ME1: variants seen among roughly 807,000 people sequenced by gnomAD.
The protein encoded by ME1 is malic enzyme 1.
In ME1, 74 loss-of-function variants were observed where a neutral mutation model predicts 66.4. That is an observed-to-expected ratio of 1.11 (90% CI 0.92 to 1.35). ME1 has a LOEUF of 1.35. Among genes scored for constraint, ME1 ranks in the 40% most tolerant of loss-of-function variants. The pLI is 0.00. For synonymous variants in ME1, 251 were observed against 235.6 expected, an observed-to-expected ratio of 1.07 and a Z score of -0.60; for missense variants, 750 against 694.1, an observed-to-expected ratio of 1.08 and a Z score of -0.90.
At chr6:83,408,456 G>A (rs1329852341) in intron 1 of ME1, among the ~76,000 whole-genome samples, 1 of 152,030 alleles carries the variant, frequency 6.6e-6, no homozygotes, top group East Asian at 1.9e-4. Flanking sequence ...ATTCTTCCAT[G>A]GCACATGGTC....
chr6:83,300,860 T>C (rs928790930), intron 6 of ME1, among the ~76,000 whole-genome samples: 2 of 152,182 alleles, frequency 1.3e-5, no homozygotes, highest in Non-Finnish European at 2.9e-5. Context: ...TGGAATACTA[T>C]GCAGTGATAA....
intron 12 of ME1, among the ~76,000 whole-genome samples, chr6:83,218,142 A>G (rs1183516617): frequency 6.6e-6 from 1 of 152,184 alleles, no homozygotes; most frequent in African/African-American, 2.4e-5. Flanking sequence ...CAGGACAAAG[A>G]TACGTTAACT....
intron 5 of ME1, among the ~76,000 whole-genome samples, chr6:83,345,317 G>A (rs142153027): frequency 1.2e-3 from 189 of 152,328 alleles, no homozygotes; most frequent in African/African-American, 4.3e-3. Flanking sequence ...TTTGATAAAG[G>A]TTAAGTGAGC....
At chr6:83,224,579 G>A (rs1360991698) in intron 11 of ME1, among the ~76,000 whole-genome samples, 10 of 151,012 alleles carry the variant, frequency 6.6e-5, no homozygotes, top group Non-Finnish European at 1.5e-4. Flanking sequence ...AGCTACTTGA[G>A]AGGCTGAGGC....
intron 2 of ME1, among the ~76,000 whole-genome samples, chr6:83,401,058 C>A (rs1195580950): frequency 6.6e-6 from 1 of 152,226 alleles, no homozygotes; most frequent in Admixed American, 6.5e-5. Flanking sequence ...CCTCAGCATT[C>A]TCAGCTCCTC....
chr6:83,305,770 C>T (rs906229216), intron 6 of ME1, among the ~76,000 whole-genome samples: 5 of 152,108 alleles, frequency 3.3e-5, no homozygotes, highest in Non-Finnish European at 5.9e-5. Context: ...GTTTCAATTT[C>T]CTACAGAACC....
intron 5 of ME1, among the ~76,000 whole-genome samples, chr6:83,325,954 A>C (rs1768281737): frequency 6.6e-6 from 1 of 151,288 alleles, no homozygotes; most frequent in African/African-American, 2.4e-5. Context: ...CAAACAAAAA[A>C]AAAAAAAAAC....
intron 3 of ME1, among the ~76,000 whole-genome samples, chr6:83,396,993 T>C (rs922638397): frequency 1.3e-5 from 2 of 151,936 alleles, no homozygotes; most frequent in African/African-American, 4.8e-5. Context: ...ATCAACTCAA[T>C]AGGTAAAGAA....
At chr6:83,365,259 A>AT (rs1389315379) in intron 3 of ME1, among the ~76,000 whole-genome samples, 1 of 152,050 alleles carries the variant, frequency 6.6e-6, no homozygotes, top group African/African-American at 2.4e-5. Flanking sequence ...CGCCCAGCTA[A>AT]TTTTTTGTAT....
chr6:83,353,132 A>G (rs1318807394), intron 3 of ME1, among the ~76,000 whole-genome samples: 2 of 152,230 alleles, frequency 1.3e-5, no homozygotes, highest in Non-Finnish European at 2.9e-5. Flanking sequence ...TCCCTATGAT[A>G]TAGGTTAACA....
intron 6 of ME1, among the ~76,000 whole-genome samples, chr6:83,290,462 T>C (rs1029822301): frequency 1.3e-5 from 2 of 152,214 alleles, no homozygotes; most frequent in Non-Finnish European, 2.9e-5. Context: ...TAACCCTGAG[T>C]TCTAATTTGA....
intron 6 of ME1, among the ~76,000 whole-genome samples, chr6:83,312,038 C>T (rs1249293690): frequency 6.6e-6 from 1 of 152,120 alleles, no homozygotes; most frequent in Non-Finnish European, 1.5e-5. Flanking sequence ...AGACCCAGAA[C>T]CCATAAACTG....
At chr6:83,254,820 T>C (rs568752435) in intron 6 of ME1, among the ~76,000 whole-genome samples, 1 of 152,256 alleles carries the variant, frequency 6.6e-6, no homozygotes, top group East Asian at 1.9e-4. Flanking sequence ...GACTACCTGA[T>C]TTTAAGACCA....
At chr6:83,297,689 C>T (rs1767624555) in intron 6 of ME1, among the ~76,000 whole-genome samples, 1 of 152,150 alleles carries the variant, frequency 6.6e-6, no homozygotes, top group Non-Finnish European at 1.5e-5. Flanking sequence ...ATCAACCCAT[C>T]ACCTAAGTAT....
intron 6 of ME1, among the ~76,000 whole-genome samples, chr6:83,298,931 G>GTTTTTTTTTTTGTTTTTTTTTTTT (rs1767655657): frequency 4.5e-5 from 1 of 22,458 alleles, no homozygotes; most frequent in African/African-American, 1.9e-4. Context: ...CTATGTGTCT[G>GTTTTTTTTTTTGTTTTTTTTTTTT]TTTTTTTTTT....
intron 6 of ME1, among the ~76,000 whole-genome samples, chr6:83,312,706 T>C (rs1379346778): frequency 6.6e-6 from 1 of 152,134 alleles, no homozygotes; most frequent in African/African-American, 2.4e-5. Context: ...GTATAACCTC[T>C]GTACTATGTC....
At chr6:83,410,651 A>G (rs1770032689) in intron 1 of ME1, among the ~76,000 whole-genome samples, 1 of 152,218 alleles carries the variant, frequency 6.6e-6, no homozygotes, top group Non-Finnish European at 1.5e-5. Context: ...ATATATGTGA[A>G]GAAGCAGTAA....
intron 3 of ME1, among the ~76,000 whole-genome samples, 198 bp from the exon 4 acceptor site, chr6:83,352,337 T>C (rs1161880536): frequency 6.6e-6 from 1 of 151,978 alleles, no homozygotes; most frequent in Non-Finnish European, 1.5e-5. Context: ...AAATAATATA[T>C]TGACATCTAC....
At chr6:83,249,138 A>G (rs1261302746) in intron 7 of ME1, among the ~76,000 whole-genome samples, 1 of 152,194 alleles carries the variant, frequency 6.6e-6, no homozygotes, top group Non-Finnish European at 1.5e-5. Flanking sequence ...TGTATCTCAA[A>G]AGAAATAAAG....
Sources: allele counts gnomAD v4.1 joint callset (sites outside exome capture counted in the v4.1 genomes callset), GRCh38; gene constraint gnomAD v4.1.1; transcripts MANE v1.5; gene names NCBI Gene and HGNC (gene_info 2026-07-23, HGNC 2026-07-21).